DGKB: variants seen among roughly 807,000 people sequenced by gnomAD.
The protein encoded by DGKB is 90 kDa diacylglycerol kinase.
A neutral mutation model predicts 114.3 loss-of-function variants in DGKB; 67 were observed. The observed-to-expected ratio is 0.59, with a 90% CI of 0.48 to 0.72. The LOEUF (loss-of-function observed/expected upper bound fraction) is 0.72, where lower values mean the gene tolerates loss of function less well. DGKB is among the 30% of genes least tolerant of loss of function. The pLI, the probability that DGKB is intolerant of heterozygous loss-of-function variation, is 0.00. For missense variants in DGKB, 907 were observed against 975.2 expected, an observed-to-expected ratio of 0.93 and a Z score of 0.93; for synonymous variants, 398 against 323.1, an observed-to-expected ratio of 1.23 and a Z score of -2.49.
At chr7:14,712,540 A>T (rs2128337260) in intron 6 of DGKB, among the ~76,000 whole-genome samples, 1 of 152,110 alleles carries the variant, frequency 6.6e-6, no homozygotes, top group Admixed American at 6.6e-5. Context: ...GCATAGTGAC[A>T]CATGCCTGTA....
At chr7:14,220,841 T>C (rs1253651955) in intron 23 of DGKB, among the ~76,000 whole-genome samples, 1 of 151,520 alleles carries the variant, frequency 6.6e-6, no homozygotes, top group Non-Finnish European at 1.5e-5. Flanking sequence ...TCTTTTAATT[T>C]TTTAAAATTT....
intron 22 of DGKB, among the ~76,000 whole-genome samples, chr7:14,340,389 C>A (rs914543428): frequency 1.3e-5 from 2 of 151,392 alleles, no homozygotes; most frequent in African/African-American, 2.4e-5. Context: ...CTCCCACTGT[C>A]TTCAAGTGGA....
intron 20 of DGKB, among the ~76,000 whole-genome samples, chr7:14,562,523 A>G (rs1455327490): frequency 6.6e-6 from 1 of 152,202 alleles, no homozygotes; most frequent in East Asian, 1.9e-4. Context: ...TGTACCCTGC[A>G]AAGACACAGA....
rs551618345 is a variant in DGKB at position 14,689,199 on chromosome 7, A to ATTT, written c.712-3840_712-3838dup. Among the ~76,000 whole-genome samples the ATTT allele has an allele frequency of 2.6e-3, 199 of 76,526 alleles. 21 individuals carry two copies. Among genetic ancestry groups the ATTT allele is most frequent in the South Asian group, 5.6e-3 (10 of 1,794 alleles). 50.2% of individuals were successfully genotyped at this position (76,526 alleles called of 152,430 possible). On this transcript the variant is annotated intron_variant, in intron 9 of 25. Transcript: ENST00000402815. Reference sequence around the variant, plus strand: ...TGACAATGTGACAGAAACTCCTCTTATTTTTTTTTTTTTTTTTTTTTTTTT... The same window carrying ATTT: ...TGACAATGTGACAGAAACTCCTCTTATTTTTTTTTTTTTTTTTTTTTTTTTTTT...
chr7:14,493,861 C>T (rs1425228181), intron 20 of DGKB, among the ~76,000 whole-genome samples: 1 of 150,866 alleles, frequency 6.6e-6, no homozygotes, highest in African/African-American at 2.4e-5. Flanking sequence ...CTGGACTTAT[C>T]CAGCATGTAA....
chr7:14,851,502 T>G (rs1329271692), intron 1 of DGKB, among the ~76,000 whole-genome samples: 1 of 152,174 alleles, frequency 6.6e-6, no homozygotes, highest in Non-Finnish European at 1.5e-5. Flanking sequence ...TGAAATAATG[T>G]AAAATGCTAT....
At chr7:14,392,815 T>C (rs1324718871) in intron 21 of DGKB, among the ~76,000 whole-genome samples, 2 of 152,066 alleles carry the variant, frequency 1.3e-5, no homozygotes, top group East Asian at 3.9e-4. Flanking sequence ...CACATTCGAC[T>C]GACTAGAAGA....
intron 23 of DGKB, among the ~76,000 whole-genome samples, chr7:14,333,666 C>G (rs1810147099): frequency 6.6e-6 from 1 of 152,048 alleles, no homozygotes; most frequent in African/African-American, 2.4e-5. Context: ...ACCATTCTGT[C>G]TCCACTACCA....
At chr7:14,457,209 G>T (rs905733014) in intron 21 of DGKB, among the ~76,000 whole-genome samples, 1 of 152,054 alleles carries the variant, frequency 6.6e-6, no homozygotes, top group Admixed American at 6.6e-5. Flanking sequence ...AGTAAAGAGG[G>T]TATGTAAAAA....
At chr7:14,824,258 C>T (rs1247434044) in intron 2 of DGKB, among the ~76,000 whole-genome samples, 1 of 152,018 alleles carries the variant, frequency 6.6e-6, no homozygotes, top group Non-Finnish European at 1.5e-5. Flanking sequence ...GCTGCATAAC[C>T]TTGTTCTCCT....
chr7:14,341,317 T>G (rs569110580), intron 22 of DGKB, among the ~76,000 whole-genome samples: 1 of 151,922 alleles, frequency 6.6e-6, no homozygotes, highest in South Asian at 2.1e-4. Flanking sequence ...TCTGGAAAAT[T>G]TCAGTGCTGG....
intron 1 of DGKB, among the ~76,000 whole-genome samples, chr7:14,853,794 C>T (rs891751405): frequency 8.4e-5 from 12 of 142,916 alleles, no homozygotes; most frequent in African/African-American, 3.1e-4. Flanking sequence ...CGTGAACCCA[C>T]GAGGCGGAGC....
chr7:14,689,687 A>G (rs1173319207), intron 9 of DGKB, among the ~76,000 whole-genome samples: 1 of 152,214 alleles, frequency 6.6e-6, no homozygotes, highest in African/African-American at 2.4e-5. Context: ...TGGAATCTCA[A>G]GAATTTTTGC....
At chr7:14,802,718 T>C (rs923675318) in intron 2 of DGKB, among the ~76,000 whole-genome samples, 1 of 152,142 alleles carries the variant, frequency 6.6e-6, no homozygotes, top group African/African-American at 2.4e-5. Flanking sequence ...TTTCTTCAGT[T>C]CATTTATAAA....
At chr7:14,577,378 G>T (rs921134664) in intron 19 of DGKB, among the ~76,000 whole-genome samples, 9 of 152,178 alleles carry the variant, frequency 5.9e-5, no homozygotes, top group Non-Finnish European at 8.8e-5. Flanking sequence ...AGCACTTTGG[G>T]AGGTCAAGGC....
chr7:14,955,948 G>A (rs532041106), intron 1 of DGKB, among the ~76,000 whole-genome samples: 1 of 151,988 alleles, frequency 6.6e-6, no homozygotes, highest in African/African-American at 2.4e-5. Context: ...TGACATTGAA[G>A]AGGTAGGCAT....
chr7:14,205,087 A>T (rs767931289), intron 23 of DGKB, among the ~76,000 whole-genome samples: 3 of 151,846 alleles, frequency 2.0e-5, no homozygotes, highest in Non-Finnish European at 4.4e-5. Context: ...CTCTCTAAAG[A>T]TTGTATAACA....
At chr7:14,474,654 TC>T (rs987708514) in intron 21 of DGKB, among the ~76,000 whole-genome samples, 15 of 152,002 alleles carry the variant, frequency 9.9e-5, no homozygotes, top group African/African-American at 3.6e-4. Flanking sequence ...ATCCTTTTTT[TC>T]AAAAAAGGAA....
intron 23 of DGKB, among the ~76,000 whole-genome samples, chr7:14,294,104 G>A (rs1467803394): frequency 1.3e-5 from 2 of 152,042 alleles, no homozygotes; most frequent in East Asian, 1.9e-4. Flanking sequence ...GTAACCATCT[G>A]TATTGCATGG....
Sources: gnomAD v4.1 joint callset for allele counts (sites outside exome capture counted in the v4.1 genomes callset) on GRCh38, gnomAD v4.1.1 for gene constraint, MANE v1.5 for transcripts, NCBI Gene and HGNC (gene_info 2026-07-23, HGNC 2026-07-21) for gene names.